The following NDUFS6 variants were observed in gnomAD, a reference collection of about 807,000 sequenced individuals.
NDUFS6 encodes NADH dehydrogenase [ubiquinone] iron-sulfur protein 6, mitochondrial.
A neutral mutation model predicts 13.2 loss-of-function variants in NDUFS6; 14 were observed. That is an observed-to-expected ratio of 1.06 (90% CI 0.70 to 1.66). NDUFS6 has a LOEUF of 1.66. Ranked by LOEUF, NDUFS6 falls within the 40% of genes most tolerant of loss-of-function variation. The pLI is 0.00. For missense variants in NDUFS6, 206 were observed against 170.8 expected (o/e 1.21, Z -1.15); for synonymous variants, 95 against 72.3 (o/e 1.31, Z -1.60).
Position 1,802,341 on chromosome 5 carries a change from C to T in NDUFS6, c.153C>T (p.Tyr51=), listed in dbSNP as rs1280544529. ...TCCAGGTTTATGATGATAAAGACTA[C>T]AGGAGAATTCGGTTTGTAGGTCGTC... is the stretch of plus-strand genomic sequence containing the variant. The part of the protein sequence containing the change: ...HTGQVYDDKD[Y]RRIRFVGRQK... The change falls in exon 2 of 4, where the codon TAC becomes TAT. Residue 51 remains tyrosine, a synonymous_variant. Coordinates refer to ENST00000274137, the MANE Select transcript of NDUFS6 (RefSeq NM_004553.6). The T allele has an allele frequency of 2.5e-6, 4 of 1,613,982 alleles. No homozygotes were observed. The East Asian group carries it at 6.7e-5, about 27-fold the overall frequency.
intron 2 of NDUFS6, among the ~76,000 whole-genome samples, chr5:1,808,738 A>G (rs550553744): frequency 6.6e-6 from 1 of 152,238 alleles, no homozygotes; most frequent in Non-Finnish European, 1.5e-5. Context: ...TTTTTAGAGC[A>G]TTTTCTATAA....
intron 2 of NDUFS6, among the ~76,000 whole-genome samples, chr5:1,806,498 A>G (rs1460175905): frequency 6.6e-6 from 1 of 152,260 alleles, no homozygotes; most frequent in Non-Finnish European, 1.5e-5. Context: ...CACCAGGATT[A>G]GGAGCAGTTG....
At chr5:1,811,039 C>T (rs1051573895) in intron 2 of NDUFS6, among the ~76,000 whole-genome samples, 5 of 152,180 alleles carry the variant, frequency 3.3e-5, no homozygotes, top group Non-Finnish European at 5.9e-5. Flanking sequence ...ACCTTTATGA[C>T]GATCCACTTC....
intron 3 of NDUFS6, 53 bp from the exon 4 acceptor site, chr5:1,815,798 A>T: frequency 6.5e-7 from 1 of 1,547,868 alleles, no homozygotes; most frequent in Admixed American, 1.7e-5. Flanking sequence ...CTTAATATCT[A>T]GATTTGAAGT....
In NDUFS6 at chr5:1,811,940, C is replaced by T. The variant is rs559432667; in HGVS notation, c.187-2399C>T. Among the ~76,000 whole-genome samples, 168 of 152,140 alleles carry T rather than the reference C, an allele frequency of 1.1e-3. 1 individual carries two copies. The highest frequency in any genetic ancestry group is 2.1e-3 in the Non-Finnish European group (144 of 68,024). ...GGTTGAATACTTATATCAAAAGAAA[C>T]CTTGGTGCTGAGGTAAAGTTTCTGT... On this transcript the variant is annotated intron_variant, in intron 2 of 3. Coordinates refer to ENST00000274137, the MANE Select transcript of NDUFS6 (RefSeq NM_004553.6).
rs769099768 is a variant in NDUFS6 at position 1,802,358 on chromosome 5, TA to T, written c.171del (p.Gly58ValfsTer6). Reference protein sequence around the residue: ...DDKDYRRIRFVGRQKEVNENF... With the variant: ...DDKDYRRIRFXGRQKEVNENF... The stretch of plus-strand genomic sequence containing the variant: ...AAAGACTACAGGAGAATTCGGTTTG[TA>T]GGTCGTCAGAAAGAGGTGAGTAAAA... On this transcript the variant is annotated frameshift_variant, in exon 2 of 4. Transcript: ENST00000274137. LOFTEE classifies it high-confidence loss of function. The T allele has an allele frequency of 6.2e-7, 1 of 1,614,092 alleles. No homozygotes were observed. Among genetic ancestry groups the T allele is most frequent in the South Asian group, 1.1e-5 (1 of 91,056 alleles).
rs994577006 is a variant in NDUFS6 at position 1,816,015 on chromosome 5, G to C, written c.*99G>C. On this transcript the variant is annotated 3_prime_UTR_variant, in exon 4 of 4. Transcript: ENST00000274137. The stretch of plus-strand genomic sequence containing the variant: ...CTGGTTCTGTGCGAAGGGTATTCCT[G>C]GTGCTGAATAAAGGGTGTTGCTGTC... The C allele has an allele frequency of 1.4e-4, 181 of 1,299,024 alleles. No individual in the cohort carries two copies. The highest frequency in any genetic ancestry group is 1.8e-4 in the Non-Finnish European group (164 of 892,682). The allele number at this position is 1,299,024 out of a possible 1,614,324, so 80.5% of individuals were successfully genotyped here. A position where few individuals can be genotyped will look rare whatever the true frequency, so the allele number is the denominator to read the frequency against.
At chr5:1,807,174 G>GTGTGAGGTA (rs1734139140) in intron 2 of NDUFS6, among the ~76,000 whole-genome samples, 1 of 152,290 alleles carries the variant, frequency 6.6e-6, no homozygotes, top group South Asian at 2.1e-4. Flanking sequence ...CAGAGGTACT[G>GTGTGAGGTA]CGTGAGGTAC....
At chr5:1,811,635 C>T (rs1309677681) in intron 2 of NDUFS6, among the ~76,000 whole-genome samples, 1 of 152,222 alleles carries the variant, frequency 6.6e-6, no homozygotes, top group East Asian at 1.9e-4. Flanking sequence ...GTCATTTCCT[C>T]TGTAGAGTCA....
chr5:1,814,585 T>C lies in NDUFS6; in HGVS notation c.309+124T>C. The C allele has an allele frequency of 1.4e-6, 2 of 1,429,164 alleles. No individual in the cohort carries two copies. The highest frequency in any genetic ancestry group is 1.9e-6 in the Non-Finnish European group (2 of 1,039,434). The allele number at this position is 1,429,164 out of a possible 1,614,324, so 88.5% of individuals were successfully genotyped here. On this transcript the variant is annotated intron_variant, in intron 3 of 3. Transcript: ENST00000274137. The surrounding 1 kb of genome is among the most constrained non-coding windows in gnomAD (Gnocchi z 4.9). Reference sequence around the variant, plus strand: ...TGCTCCCGAGGCGGCCCTTACGGGGTTCACACTGCTGGCACATTCACCCTA... The same window carrying C: ...TGCTCCCGAGGCGGCCCTTACGGGGCTCACACTGCTGGCACATTCACCCTA...
intron 2 of NDUFS6, among the ~76,000 whole-genome samples, chr5:1,813,669 C>CAG (rs751894935): frequency 6.6e-6 from 1 of 152,108 alleles, no homozygotes; most frequent in Non-Finnish European, 1.5e-5. Context: ...GTGAAGTTAC[C>CAG]AGAGTCTTTC....
chr5:1,804,276 T>G (rs1279473255), intron 2 of NDUFS6, among the ~76,000 whole-genome samples: 1 of 152,226 alleles, frequency 6.6e-6, no homozygotes, highest in Non-Finnish European at 1.5e-5. Flanking sequence ...GAAGCAAGTA[T>G]GTGGGTCCCT....
rs200985438 is a variant in NDUFS6 at position 1,814,470 on chromosome 5, C to A, written c.309+9C>A. 2.5e-4 allele frequency: 399 copies of A among 1,614,192 alleles called. 2 individuals carry two copies. Among genetic ancestry groups the A allele is most frequent in the South Asian group, 1.3e-3 (118 of 91,082 alleles). On this transcript the variant is annotated intron_variant, in intron 3 of 3. Coordinates refer to ENST00000274137, the MANE Select transcript of NDUFS6 (RefSeq NM_004553.6). The surrounding 1 kb of genome is among the most constrained non-coding windows in gnomAD (Gnocchi z 4.9). ...AAGTGTATATAAACTTGGTGCGTAG[C>A]TGGCCACCTGTGCACATGTTAGGGC...
rs201906742 is a variant in NDUFS6, at chr5:1,814,468, A to G, written c.309+7A>G. On this transcript the variant is annotated splice_region_variant and intron_variant, in intron 3 of 3. Transcript: ENST00000274137. This position sits in a 1 kb window ranked among gnomAD's most constrained non-coding sequence, Gnocchi z 4.9. ...AAAAGTGTATATAAACTTGGTGCGT[A>G]GCTGGCCACCTGTGCACATGTTAGG... 3.4e-5 allele frequency: 55 copies of G among 1,614,136 alleles called. No individual in the cohort carries two copies. In the East Asian group the frequency reaches 1.2e-3, roughly 35 times the overall value.
intron 2 of NDUFS6, among the ~76,000 whole-genome samples, chr5:1,811,624 GGTCATTTCCTCTGTAGA>G (rs1734220549): frequency 6.6e-6 from 1 of 152,116 alleles, no homozygotes; most frequent in Non-Finnish European, 1.5e-5. Flanking sequence ...AAAGAACCTG[GGTCATTTCCTCTGTAGA>G]GTCACCCACA....
In NDUFS6 at chr5:1,816,043, G is replaced by T; in HGVS notation, c.*127G>T. 1 of 1,063,278 alleles carries T rather than the reference G, an allele frequency of 9.4e-7. No homozygotes were observed. Among genetic ancestry groups the T allele is most frequent in the South Asian group, 1.3e-5 (1 of 79,116 alleles). 65.9% of individuals were successfully genotyped at this position (1,063,278 alleles called of 1,614,324 possible). Reference sequence around the variant, plus strand: ...GCTGAATAAAGGGTGTTGCTGTCAAGGCTGACAATTTGTAAGTTTGTTTCT... The same window carrying T: ...GCTGAATAAAGGGTGTTGCTGTCAATGCTGACAATTTGTAAGTTTGTTTCT... On this transcript the variant is annotated 3_prime_UTR_variant, in exon 4 of 4. Coordinates refer to ENST00000274137, the MANE Select transcript of NDUFS6 (RefSeq NM_004553.6).
intron 2 of NDUFS6, among the ~76,000 whole-genome samples, chr5:1,812,741 C>T (rs1734238000): frequency 1.3e-5 from 2 of 151,414 alleles, no homozygotes; most frequent in Admixed American, 6.6e-5. Flanking sequence ...AATCATGGTC[C>T]TGGGGATGGA....
chr5:1,812,779 T>A (rs1734238636), intron 2 of NDUFS6, among the ~76,000 whole-genome samples: 1 of 151,112 alleles, frequency 6.6e-6, no homozygotes, highest in African/African-American at 2.4e-5. Flanking sequence ...TAGGCCAGGC[T>A]CAGTGGCTCA....
intron 2 of NDUFS6, among the ~76,000 whole-genome samples, chr5:1,812,538 T>TTTTTTTTTTTTTTTTTTTTTG (rs1333547540): frequency 1.4e-5 from 2 of 138,792 alleles, no homozygotes; most frequent in Non-Finnish European, 3.2e-5. Flanking sequence ...ACTCCTCTTT[T>TTTTTTTTTTTTTTTTTTTTTG]AACACAACCT....
Sources: allele counts gnomAD v4.1 joint callset (sites outside exome capture counted in the v4.1 genomes callset), GRCh38; gene constraint gnomAD v4.1.1; non-coding constraint Gnocchi (gnomAD v3.1); transcripts MANE v1.5; gene names NCBI Gene and HGNC (gene_info 2026-07-23, HGNC 2026-07-21).